Variants in NCKAP1 observed in about 807,000 individuals in gnomAD.
The protein encoded by NCKAP1 is nck-associated protein 1.
A neutral mutation model predicts 151.2 loss-of-function variants in NCKAP1; 21 were observed. The ratio of observed to expected loss-of-function variants is 0.14; its 90% CI spans 0.10 to 0.20. The LOEUF is 0.20. NCKAP1 is among the 10% of genes least tolerant of loss of function. The probability of loss-of-function intolerance (pLI) is 1.00; values close to 1 mark genes in which losing one functional copy is unlikely to be tolerated. For synonymous variants in NCKAP1, 484 were observed against 451.8 expected (o/e 1.07, Z -0.90); for missense variants, 933 against 1,352.1 (o/e 0.69, Z 4.86).
rs761694119 is a variant in NCKAP1, at chr2:182,925,741, G to A, written c.3348C>T (p.Tyr1116=). 1.3e-6 allele frequency: 2 copies of A among 1,588,468 alleles called. No homozygotes were observed. Among genetic ancestry groups the A allele is most frequent in the East Asian group, 2.3e-5 (1 of 42,958 alleles). The change falls in exon 31 of 31, where the codon TAC becomes TAT. Residue 1116 remains tyrosine (Y), a synonymous_variant. Transcript: ENST00000361354. ...CFPYVLLRNA[Y]HAVYKQSVTS... is the part of the protein sequence containing the mutation. ...TAACACTTTGTTTGTAGACAGCATG[G>A]TATGCATTTCTCAGCAAGACATAAG...
chr2:183,020,474 AAAAAAAG>A lies in NCKAP1; in HGVS notation c.219+3325_219+3331del, dbSNP rs1407303255. Reference sequence around the variant, plus strand: ...AGCAGGACCGTGTCCCAAAAAAAAAAAAAAAAGAAAAAAAAGAAAAAAAAATTTATTG... The same window carrying A: ...AGCAGGACCGTGTCCCAAAAAAAAAAAAAAAAAAGAAAAAAAAATTTATTG... On this transcript the variant is annotated intron_variant, in intron 2 of 30. Transcript: ENST00000361354. Among the ~76,000 whole-genome samples the A allele has an allele frequency of 7.1e-3, 1,035 of 145,586 alleles. 18 individuals are homozygous for A. Among genetic ancestry groups the A allele is most frequent in the African/African-American group, 0.026 (979 of 37,614 alleles).
rs1696437775 is a variant in NCKAP1, at chr2:182,914,453, T to A, written c.*11249A>T. 6.6e-6 allele frequency: 1 copy of A among 150,784 alleles called. No homozygotes were observed. Among genetic ancestry groups the A allele is most frequent in the Admixed American group, 6.7e-5 (1 of 15,018 alleles). 9.3% of individuals were successfully genotyped at this position (150,784 alleles called of 1,614,324 possible). ...AACTTTCCTACTCAAGCATTGTTTT[T>A]AAATGAAAACTAACTCAGCATATCA... On this transcript the variant is annotated 3_prime_UTR_variant, in exon 31 of 31. Transcript: ENST00000361354.
intron 2 of NCKAP1, among the ~76,000 whole-genome samples, chr2:183,005,563 T>C (rs1045818267): frequency 6.6e-6 from 1 of 152,104 alleles, no homozygotes; most frequent in Non-Finnish European, 1.5e-5. Flanking sequence ...TTTAATACAA[T>C]CTCATAGGCT....
At chr2:182,961,735 A>G (rs1697458121) in intron 18 of NCKAP1, among the ~76,000 whole-genome samples, 3 of 152,008 alleles carry the variant, frequency 2.0e-5, no homozygotes, top group Admixed American at 6.6e-5. Flanking sequence ...ATAATAAAAA[A>G]TAAATAAATA....
intron 6 of NCKAP1, 79 bp downstream of exon 6, chr2:183,001,874 A>G: frequency 4.0e-6 from 5 of 1,259,880 alleles, no homozygotes; most frequent in Non-Finnish European, 5.7e-6. Context: ...CAAAAACAAG[A>G]TTATCCCTTT....
chr2:183,025,908 TCTAA>T (rs1041893897), intron 1 of NCKAP1, among the ~76,000 whole-genome samples: 70 of 152,336 alleles, frequency 4.6e-4, no homozygotes, highest in African/African-American at 1.6e-3. Context: ...TCTTTCATAT[TCTAA>T]CTATTGAAAA....
At chr2:183,018,830 G>C (rs1698743646) in intron 2 of NCKAP1, among the ~76,000 whole-genome samples, 1 of 152,124 alleles carries the variant, frequency 6.6e-6, no homozygotes, top group Non-Finnish European at 1.5e-5. Context: ...TTATGTGTCA[G>C]GCACTAGGGA....
Position 182,935,304 on chromosome 2 carries a change from C to T in NCKAP1, c.2767G>A (p.Ala923Thr). The T allele has an allele frequency of 6.3e-7, 1 of 1,587,228 alleles. No homozygotes were observed. Among genetic ancestry groups the T allele is most frequent in the Non-Finnish European group, 8.6e-7 (1 of 1,168,482 alleles). ...TAATGGTTTCTTACATCTCTAAGTG[C>T]TTCTTGTGCCAATGATCGGAAGGAT... ...ILSFRSLAQE[A>T]LRDVLSYHIP... is the part of the protein sequence containing the mutation. Residue 923 changes from alanine (A) to threonine (T), a missense_variant, in exon 25 of 31, where the codon GCA (alanine) becomes ACA (threonine). Around this residue, in one of 2 missense-constraint regions of NCKAP1, gnomAD observed 326 missense variants for 557.1 expected, o/e 0.59. Transcript: ENST00000361354.
At chr2:182,949,375 G>A (rs35310711) in intron 23 of NCKAP1, among the ~76,000 whole-genome samples, 7,084 of 152,240 alleles carry the variant, frequency 0.047, 213 homozygotes, top group Middle Eastern at 0.13. Flanking sequence ...AAATGTGAGC[G>A]TGCGTAAGTT....
At chr2:182,996,303 T>A (rs1698266923) in intron 6 of NCKAP1, among the ~76,000 whole-genome samples, 1 of 152,212 alleles carries the variant, frequency 6.6e-6, no homozygotes, top group Non-Finnish European at 1.5e-5. Context: ...ACACTGTACC[T>A]CATCTTAATA....
chr2:182,960,892 C>A (rs577804510), intron 18 of NCKAP1, among the ~76,000 whole-genome samples: 2 of 148,008 alleles, frequency 1.4e-5, no homozygotes, highest in Non-Finnish European at 3.0e-5. Flanking sequence ...ACAAGAAAAA[C>A]AAACAACCCC....
At chr2:182,952,311 A>C (rs1697231155) in intron 23 of NCKAP1, 94 bp downstream of exon 23, 1 of 751,948 alleles carries the variant, frequency 1.3e-6, no homozygotes, top group African/African-American at 1.8e-5. Context: ...ATGTTGGATT[A>C]AAATAATTAA....
chr2:182,959,751 G>C (rs987539127), intron 18 of NCKAP1, among the ~76,000 whole-genome samples: 1 of 152,186 alleles, frequency 6.6e-6, no homozygotes, highest in African/African-American at 2.4e-5. Context: ...AATCAGGCAG[G>C]AGAAGGAAAT....
At chr2:182,951,876 G>A (rs1044602988) in intron 23 of NCKAP1, among the ~76,000 whole-genome samples, 1 of 151,906 alleles carries the variant, frequency 6.6e-6, no homozygotes, top group Non-Finnish European at 1.5e-5. Flanking sequence ...CTAATAAAAA[G>A]GTATTTAAAA....
chr2:182,983,425 AATT>A (rs781285645), intron 10 of NCKAP1, 43 bp from the exon 11 acceptor site: 24 of 1,409,584 alleles, frequency 1.7e-5, no homozygotes, highest in Non-Finnish European at 1.9e-5. Flanking sequence ...CTTCTACTAA[AATT>A]ATTATTGGCA....
At chr2:182,936,652 T>C (rs1432781423) in intron 24 of NCKAP1, among the ~76,000 whole-genome samples, 1 of 152,146 alleles carries the variant, frequency 6.6e-6, no homozygotes, top group East Asian at 1.9e-4. Context: ...ACTTTGACCA[T>C]AGCATCTTTC....
At chr2:182,938,715 T>G (rs1231557849) in intron 24 of NCKAP1, among the ~76,000 whole-genome samples, 10 of 152,188 alleles carry the variant, frequency 6.6e-5, no homozygotes, top group African/African-American at 2.4e-4. Context: ...TCAGGAAAAC[T>G]GCTTTGTGGG....
In NCKAP1 at chr2:182,916,547, T is replaced by G. The variant is rs1429168884; in HGVS notation, c.*9155A>C. 1 of 152,224 alleles carries G rather than the reference T, an allele frequency of 6.6e-6. No individual in the cohort carries two copies. Among genetic ancestry groups the G allele is most frequent in the African/African-American group, 2.4e-5 (1 of 41,462 alleles). 9.4% of individuals were successfully genotyped at this position (152,224 alleles called of 1,614,324 possible). ...CTATAATAAAGGCATTTATAAGGTT[T>G]AGAAGAAACAGGATGGCATGGTAAG... On this transcript the variant is annotated 3_prime_UTR_variant, in exon 31 of 31. Transcript: ENST00000361354.
At position 182,980,806 on chromosome 2, in the gene NCKAP1, CAG is replaced by C. The variant is rs1350321281; in HGVS notation, c.1341+436_1341+437del. On this transcript the variant is annotated intron_variant, in intron 13 of 30. Coordinates refer to ENST00000361354, the MANE Select transcript of NCKAP1 (RefSeq NM_013436.5). ...AATCTCCATAGCTACTGCCCATGTTCAGACTCTCATCACCTCTCATCTAGCCT... is the reference window on the plus strand; with the variant it reads ...AATCTCCATAGCTACTGCCCATGTTCACTCTCATCACCTCTCATCTAGCCT... Among the ~76,000 whole-genome samples the C allele has an allele frequency of 5.3e-5, 8 of 152,200 alleles. 1 individual carries two copies. Among genetic ancestry groups the C allele is most frequent in the South Asian group, 4.1e-4 (2 of 4,822 alleles).
Sources: allele counts gnomAD v4.1 joint callset (sites outside exome capture counted in the v4.1 genomes callset), GRCh38; gene constraint gnomAD v4.1.1; regional missense constraint gnomAD v4.1.1; transcripts MANE v1.5; gene names NCBI Gene and HGNC (gene_info 2026-07-23, HGNC 2026-07-21).